UBE3B: variants seen among roughly 807,000 people sequenced by gnomAD.
UBE3B encodes ubiquitin protein ligase E3B, also known as ubiquitin-protein ligase E3B.
UBE3B carries 80 observed loss-of-function variants against 132.3 expected under a neutral mutation model. The ratio of observed to expected loss-of-function variants is 0.60; its 90% CI spans 0.50 to 0.73. UBE3B has a LOEUF of 0.73. UBE3B is among the 30% of genes least tolerant of loss of function. The pLI, the probability that UBE3B is intolerant of heterozygous loss-of-function variation, is 0.00. For synonymous variants in UBE3B, 487 were observed against 520.4 expected (o/e 0.94, Z 0.87); for missense variants, 1,196 against 1,362.5 (o/e 0.88, Z 1.92).
At chr12:109,509,426 C>T (rs79678874) in intron 15 of UBE3B, 170 bp from the exon 16 acceptor site, 16,447 of 511,180 alleles carry the variant, frequency 0.032, 354 homozygotes, top group Middle Eastern at 0.047. Context: ...TCCCCTTTCC[C>T]CCTACCCCTG....
chr12:109,515,970 T>C (rs576134003), intron 18 of UBE3B, among the ~76,000 whole-genome samples: 1 of 152,254 alleles, frequency 6.6e-6, no homozygotes, highest in Non-Finnish European at 1.5e-5. Context: ...GGGAGCTTTA[T>C]ACTGTAGGGT....
At chr12:109,493,719 G>T (rs1429368930) in intron 9 of UBE3B, among the ~76,000 whole-genome samples, 4 of 152,232 alleles carry the variant, frequency 2.6e-5, no homozygotes, top group African/African-American at 9.6e-5. Context: ...GTGCCAAGAT[G>T]TGATCACTAA....
chr12:109,537,641 G>A (rs533750088), downstream of UBE3B, among the ~76,000 whole-genome samples: 8 of 152,264 alleles, frequency 5.3e-5, no homozygotes, highest in South Asian at 6.2e-4. Flanking sequence ...AACACACATC[G>A]CCAGCCTCCA....
At chr12:109,507,000 A>G (rs981990934) in intron 14 of UBE3B, among the ~76,000 whole-genome samples, 2 of 152,192 alleles carry the variant, frequency 1.3e-5, no homozygotes, top group Non-Finnish European at 2.9e-5. Flanking sequence ...CCTGCCCAGA[A>G]TGTGGACTGG....
chr12:109,491,164 C>A (rs527727945), intron 9 of UBE3B, 37 bp downstream of exon 9: 3 of 1,590,152 alleles, frequency 1.9e-6, no homozygotes, highest in South Asian at 2.2e-5. Flanking sequence ...TTGGCATGTT[C>A]TTGAATGCTT....
At chr12:109,513,792 C>T (rs1566100133) in intron 18 of UBE3B, among the ~76,000 whole-genome samples, 2 of 152,106 alleles carry the variant, frequency 1.3e-5, no homozygotes, top group Non-Finnish European at 1.5e-5. Flanking sequence ...CTCGTCATCT[C>T]CTGCCCCTTC....
At chr12:109,547,758 G>A in the UBE3B span, among the ~76,000 whole-genome samples, 1 of 151,958 alleles carries the variant, frequency 6.6e-6, no homozygotes, top group African/African-American at 2.4e-5. This position sits in a 1 kb window ranked among gnomAD's most constrained non-coding sequence, Gnocchi z 4.1. Context: ...TCTTCCTGAG[G>A]CACCCCAGGT....
At chr12:109,507,406 C>T (rs756928925) in intron 14 of UBE3B, among the ~76,000 whole-genome samples, 158 bp from the exon 15 acceptor site, 5 of 152,206 alleles carry the variant, frequency 3.3e-5, no homozygotes, top group Admixed American at 6.5e-5. Flanking sequence ...TTGTTACTCT[C>T]GTGGTGATAA....
intron 21 of UBE3B, among the ~76,000 whole-genome samples, chr12:109,523,670 G>T (rs564922910): frequency 6.8e-6 from 1 of 147,854 alleles, no homozygotes; most frequent in Non-Finnish European, 1.5e-5. Context: ...TAACTGAGAG[G>T]CTGGTGCTGC....
chr12:109,507,511 C>T, intron 14 of UBE3B, 53 bp from the exon 15 acceptor site: 5 of 1,564,562 alleles, frequency 3.2e-6, no homozygotes, highest in Non-Finnish European at 4.3e-6. Flanking sequence ...GGAGAAATAA[C>T]AGACCAGGTG....
At chr12:109,516,220 G>A (rs1198708152) in intron 18 of UBE3B, among the ~76,000 whole-genome samples, 9 of 137,326 alleles carry the variant, frequency 6.6e-5, no homozygotes, top group Non-Finnish European at 1.1e-4. Flanking sequence ...CCCCCAGGCT[G>A]GAGTGCAGTG....
At chr12:109,510,510 G>A (rs754877736) in intron 17 of UBE3B, 52 bp downstream of exon 17, 16 of 1,416,408 alleles carry the variant, frequency 1.1e-5, no homozygotes, top group African/African-American at 5.6e-5. Flanking sequence ...GCTCCGGCAC[G>A]CTGCCCGAGC....
Position 109,522,120 on chromosome 12 carries a change from C to T in UBE3B, c.2364+569C>T. Among the ~76,000 whole-genome samples, 1 of 152,216 alleles carries T rather than the reference C, an allele frequency of 6.6e-6. No individual in the cohort carries two copies. The highest frequency in any genetic ancestry group is 2.4e-5 in the African/African-American group (1 of 41,448). On this transcript the variant is annotated intron_variant, in intron 21 of 27. Coordinates refer to ENST00000342494, the MANE Select transcript of UBE3B (RefSeq NM_130466.4). This position sits in a 1 kb window ranked among gnomAD's most constrained non-coding sequence, Gnocchi z 4.2. ...TTCTTTAGTTTTTAAGCCGTGTTCT[C>T]GCATCAGTAAAGTGGAGATAAGAAA...
chr12:109,518,270 C>T (rs967304064), intron 19 of UBE3B, among the ~76,000 whole-genome samples: 20 of 152,264 alleles, frequency 1.3e-4, no homozygotes, highest in Non-Finnish European at 2.4e-4. Flanking sequence ...GTTGGAAGCA[C>T]GTGCCTCCCC....
chr12:109,480,477 C>A (rs1875182073), intron 1 of UBE3B, among the ~76,000 whole-genome samples: 1 of 151,906 alleles, frequency 6.6e-6, no homozygotes, highest in Admixed American at 6.6e-5. Context: ...ATAGCGAGAC[C>A]CCACCTCTAC....
chr12:109,517,955 C>A (rs1420045087), intron 19 of UBE3B: 4 of 447,082 alleles, frequency 8.9e-6, no homozygotes, highest in Admixed American at 7.1e-5. Context: ...TGATCAATGC[C>A]GAGAGCTGCT....
chr12:109,525,666 TTAAAA>T lies in UBE3B; in HGVS notation c.2569-687_2569-683del, dbSNP rs1256004318. 3.9e-5 allele frequency among the ~76,000 whole-genome samples: 6 copies of T among 152,186 alleles called. No individual in the cohort carries two copies. The East Asian group carries it at 1.2e-3, about 29-fold the overall frequency. On this transcript the variant is annotated intron_variant, in intron 23 of 27. Transcript: ENST00000342494. Reference sequence around the variant, plus strand: ...AAAGAAGCAGTTGATTTTACAGAGTTTAAAATAAATCTATAATCAGATGTTGAGGC... The same window carrying T: ...AAAGAAGCAGTTGATTTTACAGAGTTTAAATCTATAATCAGATGTTGAGGC...
At chr12:109,503,681 A>T (rs1232424857) in intron 14 of UBE3B, among the ~76,000 whole-genome samples, 2 of 152,244 alleles carry the variant, frequency 1.3e-5, no homozygotes, top group South Asian at 2.1e-4. Flanking sequence ...ATAGTATCTC[A>T]TCACATGGAT....
intron 12 of UBE3B, among the ~76,000 whole-genome samples, chr12:109,500,709 G>T (rs555347084): frequency 1.3e-5 from 2 of 152,292 alleles, no homozygotes; most frequent in African/African-American, 4.8e-5. Context: ...TGGACGACTT[G>T]CTTTGCCTTG....
Sources: gnomAD v4.1 joint callset for allele counts (sites outside exome capture counted in the v4.1 genomes callset) on GRCh38, gnomAD v4.1.1 for gene constraint, Gnocchi (gnomAD v3.1) non-coding constraint, MANE v1.5 for transcripts, NCBI Gene and HGNC (gene_info 2026-07-23, HGNC 2026-07-21) for gene names.